CELF2: variants seen among roughly 807,000 people sequenced by gnomAD.
CELF2 encodes CUG triplet repeat RNA-binding protein 2.
A neutral mutation model predicts 62.6 loss-of-function variants in CELF2; 8 were observed. That is an observed-to-expected ratio of 0.13 (90% CI 0.07 to 0.23). The LOEUF is 0.23. Ranked by LOEUF, CELF2 falls within the 10% of genes least tolerant of loss-of-function variation. The probability of loss-of-function intolerance (pLI) is 1.00; values close to 1 mark genes in which losing one functional copy is unlikely to be tolerated. For missense variants in CELF2, 333 were observed against 671.0 expected, an observed-to-expected ratio of 0.50 and a Z score of 5.56; for synonymous variants, 258 against 250.0, an observed-to-expected ratio of 1.03 and a Z score of -0.30.
chr10:10,818,546 C>CTTTTTTTTTTTTTT (rs3028992), intron 1 of CELF2, among the ~76,000 whole-genome samples: 1 of 116,538 alleles, frequency 8.6e-6, no homozygotes. Flanking sequence ...TAAATATTTC[C>CTTTTTTTTTTTTTT]TTTTTTTTTT....
chr10:11,103,890 T>C (rs2052595659), intron 1 of CELF2, among the ~76,000 whole-genome samples: 2 of 152,212 alleles, frequency 1.3e-5, no homozygotes, highest in Non-Finnish European at 2.9e-5. Context: ...GCTAAAATTA[T>C]TGCATATTTT....
At chr10:10,741,967 A>G in the CELF2 span, among the ~76,000 whole-genome samples, 1 of 152,172 alleles carries the variant, frequency 6.6e-6, no homozygotes, top group African/African-American at 2.4e-5. Context: ...TTCTTAAGTA[A>G]GAGATGTTCC....
chr10:10,754,463 T>C, the CELF2 span, among the ~76,000 whole-genome samples: 1 of 152,100 alleles, frequency 6.6e-6, no homozygotes, highest in African/African-American at 2.4e-5. Flanking sequence ...ACAGAAGCAC[T>C]CTTAATCGTG....
At chr10:11,155,216 A>G (rs1208567155) in intron 1 of CELF2, among the ~76,000 whole-genome samples, 2 of 152,218 alleles carry the variant, frequency 1.3e-5, no homozygotes, top group Non-Finnish European at 2.9e-5. Context: ...ATTGAGCTTA[A>G]TGTGACCCCT....
At chr10:10,828,000 T>TAAAA (rs66721705) in intron 1 of CELF2, among the ~76,000 whole-genome samples, 4,002 of 60,322 alleles carry the variant, frequency 0.066, 215 homozygotes, top group East Asian at 0.14. Flanking sequence ...AGGCTAGTCT[T>TAAAA]AAAAAAAAAA....
chr10:11,333,330 G>A lies in CELF2; in HGVS notation c.*4277G>A, dbSNP rs1042419051. ...GGAAAAAGCTGCAAGGGTGCAAAGGGCCTGTGCCAGAAGAAAACACACACA... is the reference window on the plus strand; with the variant it reads ...GGAAAAAGCTGCAAGGGTGCAAAGGACCTGTGCCAGAAGAAAACACACACA... On this transcript the variant is annotated 3_prime_UTR_variant, in exon 13 of 13. Transcript: ENST00000633077. The A allele has an allele frequency of 6.6e-6, 1 of 152,550 alleles. No homozygotes were observed. Among genetic ancestry groups the A allele is most frequent in the African/African-American group, 2.4e-5 (1 of 41,408 alleles). The allele number at this position is 152,550 out of a possible 1,614,324, so 9.4% of individuals were successfully genotyped here. A position where few individuals can be genotyped will look rare whatever the true frequency, so the allele number is the denominator to read the frequency against.
rs182979678 is a variant in CELF2 at position 11,319,910 on chromosome 10, C to T, written c.1097-1279C>T. On this transcript the variant is annotated intron_variant, in intron 10 of 12. Coordinates refer to ENST00000633077, the MANE Select transcript of CELF2 (RefSeq NM_001326342.2). This position sits in a 1 kb window ranked among gnomAD's most constrained non-coding sequence, Gnocchi z 4.4. ...AGCGTTGCTGGGCGTGTGGAGGTCA[C>T]TCTGCTGCCGGATTCTCTGGTGTTT... 1.2e-4 allele frequency: 58 copies of T among 470,176 alleles called. No homozygotes were observed. The East Asian group carries it at 2.1e-3, about 17-fold the overall frequency. The allele number at this position is 470,176 out of a possible 1,614,324, so 29.1% of individuals were successfully genotyped here.
rs373630949 is a variant in CELF2, at chr10:11,325,717, A to G, written c.1295-119A>G. The G allele has an allele frequency of 5.6e-5, 47 of 832,324 alleles. No homozygotes were observed. The South Asian group carries it at 8.7e-4, about 15-fold the overall frequency. 51.6% of individuals were successfully genotyped at this position (832,324 alleles called of 1,614,324 possible). A position where few individuals can be genotyped will look rare whatever the true frequency, so the allele number is the denominator to read the frequency against. On this transcript the variant is annotated intron_variant, in intron 11 of 12. Coordinates refer to ENST00000633077, the MANE Select transcript of CELF2 (RefSeq NM_001326342.2). Reference sequence around the variant, plus strand: ...GCACTCCAGCACTTGACATTTATCCATCTGTTTGTTTGTTCAACTAAATGC... The same window carrying G: ...GCACTCCAGCACTTGACATTTATCCGTCTGTTTGTTTGTTCAACTAAATGC...
intron 8 of CELF2, among the ~76,000 whole-genome samples, chr10:11,286,755 A>C (rs1300569784): frequency 4.6e-5 from 7 of 152,330 alleles, no homozygotes; most frequent in Non-Finnish European, 1.0e-4. Flanking sequence ...GGTTGCCAGA[A>C]GTCTGCCCTT....
At chr10:10,562,600 C>T in the CELF2 span, among the ~76,000 whole-genome samples, 1 of 152,170 alleles carries the variant, frequency 6.6e-6, no homozygotes, top group African/African-American at 2.4e-5. Flanking sequence ...GCGACCTCAC[C>T]GTGTCTCCCT....
At chr10:11,083,637 T>C (rs1005699099) in intron 1 of CELF2, among the ~76,000 whole-genome samples, 4 of 152,168 alleles carry the variant, frequency 2.6e-5, no homozygotes, top group African/African-American at 9.7e-5. Flanking sequence ...CCCCTTTTCC[T>C]GCAATGGGTG....
intron 1 of CELF2, among the ~76,000 whole-genome samples, chr10:11,058,217 G>A (rs546742542): frequency 2.6e-5 from 4 of 152,218 alleles, no homozygotes; most frequent in Admixed American, 6.5e-5. Flanking sequence ...TCAGCCATGC[G>A]GTAACATTGT....
chr10:11,155,929 C>A (rs1186133803), intron 1 of CELF2, among the ~76,000 whole-genome samples: 1 of 152,158 alleles, frequency 6.6e-6, no homozygotes, highest in Non-Finnish European at 1.5e-5. Context: ...TGAGGAGAGA[C>A]CAGCCTGAGA....
the CELF2 span, among the ~76,000 whole-genome samples, chr10:10,710,311 G>A: frequency 3.3e-5 from 5 of 152,216 alleles, no homozygotes; most frequent in African/African-American, 1.2e-4. Context: ...TCGTCATAAA[G>A]CAGGGTAAAG....
At chr10:11,129,344 TTTG>T (rs2059249706) in intron 1 of CELF2, among the ~76,000 whole-genome samples, 1 of 152,208 alleles carries the variant, frequency 6.6e-6, no homozygotes, top group Admixed American at 6.5e-5. Flanking sequence ...ACTCTCTTTT[TTTG>T]TTGTGTCTCT....
the CELF2 span, among the ~76,000 whole-genome samples, chr10:10,604,797 AT>A: frequency 6.6e-6 from 1 of 152,230 alleles, no homozygotes; most frequent in Admixed American, 6.5e-5. Context: ...TTATATGAAA[AT>A]TGAAATACTT....
the CELF2 span, among the ~76,000 whole-genome samples, chr10:10,544,980 T>C: frequency 6.6e-6 from 1 of 152,190 alleles, no homozygotes; most frequent in Admixed American, 6.5e-5. Context: ...AAGTCATCGT[T>C]AAGATTCTTA....
intron 9 of CELF2, among the ~76,000 whole-genome samples, chr10:11,299,498 AGTGACATG>A (rs1231907430): frequency 6.6e-6 from 1 of 151,606 alleles, no homozygotes; most frequent in East Asian, 1.9e-4. Context: ...ACAGGCTGTC[AGTGACATG>A]GTGACATGGG....
the CELF2 span, among the ~76,000 whole-genome samples, chr10:10,727,630 G>C: frequency 2.0e-5 from 3 of 152,154 alleles, no homozygotes; most frequent in African/African-American, 7.2e-5. Context: ...CAAAAAATTA[G>C]CCGGGCGTGC....
Sources: gnomAD v4.1 joint callset for allele counts (sites outside exome capture counted in the v4.1 genomes callset) on GRCh38, gnomAD v4.1.1 for gene constraint, Gnocchi (gnomAD v3.1) non-coding constraint, MANE v1.5 for transcripts, NCBI Gene and HGNC (gene_info 2026-07-23, HGNC 2026-07-21) for gene names.